The following C3orf70 variants were observed in gnomAD, a reference collection of about 807,000 sequenced individuals.
C3orf70 encodes the protein UPF0524 protein C3orf70.
In C3orf70, 15 loss-of-function variants were observed where a neutral mutation model predicts 20.7. The observed-to-expected ratio is 0.72, with a 90% CI of 0.48 to 1.11. C3orf70 has a LOEUF of 1.11. Among genes scored for constraint, C3orf70 ranks in the 50% most tolerant of loss-of-function variants. The probability of loss-of-function intolerance (pLI) is 0.00; values close to 1 mark genes in which losing one functional copy is unlikely to be tolerated. For missense variants in C3orf70, 332 were observed against 317.6 expected (o/e 1.05, Z -0.34); for synonymous variants, 161 against 125.7 (o/e 1.28, Z -1.88).
chr3:185,124,621 G>A (rs938886763), intron 1 of C3orf70, among the ~76,000 whole-genome samples: 2 of 152,034 alleles, frequency 1.3e-5, no homozygotes, highest in African/African-American at 2.4e-5. Context: ...TTGTGACCTT[G>A]GATGAGGCAA....
At chr3:185,097,126 A>G (rs1366389386) in intron 1 of C3orf70, among the ~76,000 whole-genome samples, 1 of 152,138 alleles carries the variant, frequency 6.6e-6, no homozygotes, top group Non-Finnish European at 1.5e-5. Flanking sequence ...TTGGTCTTAA[A>G]TTGATTCAAT....
chr3:185,117,544 C>T (rs569285174), intron 1 of C3orf70, among the ~76,000 whole-genome samples: 1 of 151,800 alleles, frequency 6.6e-6, no homozygotes, highest in Non-Finnish European at 1.5e-5. Context: ...AAACACAGAA[C>T]CTATCATGTA....
chr3:185,141,612 TG>T (rs1374042664), intron 1 of C3orf70, among the ~76,000 whole-genome samples: 9 of 152,320 alleles, frequency 5.9e-5, no homozygotes, highest in Admixed American at 5.9e-4. Flanking sequence ...ACAAACTGGA[TG>T]GATCTCCAGA....
intron 1 of C3orf70, among the ~76,000 whole-genome samples, chr3:185,111,062 A>G (rs1716061223): frequency 6.6e-6 from 1 of 152,218 alleles, no homozygotes; most frequent in Admixed American, 6.5e-5. Flanking sequence ...CATGCAAAAG[A>G]AAGAAAATTA....
intron 1 of C3orf70, among the ~76,000 whole-genome samples, chr3:185,106,570 G>A (rs573293491): frequency 1.3e-5 from 2 of 152,250 alleles, no homozygotes; most frequent in Non-Finnish European, 2.9e-5. Context: ...CTCTAAGTTT[G>A]ATAAAGATGG....
chr3:185,128,302 T>C (rs966780762), intron 1 of C3orf70, among the ~76,000 whole-genome samples: 1 of 151,858 alleles, frequency 6.6e-6, no homozygotes, highest in Non-Finnish European at 1.5e-5. Context: ...GCGAGGCGGG[T>C]GGATCACCTG....
At chr3:185,125,384 AAACAACAACAACAACAACAAC>A (rs141336074) in intron 1 of C3orf70, among the ~76,000 whole-genome samples, 176 of 149,916 alleles carry the variant, frequency 1.2e-3, no homozygotes, top group South Asian at 0.01. Flanking sequence ...CCATCTCCAA[AAACAACAACAACAACAACAAC>A]AACAACAACA....
intron 1 of C3orf70, among the ~76,000 whole-genome samples, chr3:185,115,776 G>C (rs1716162070): frequency 6.6e-6 from 1 of 152,194 alleles, no homozygotes; most frequent in Non-Finnish European, 1.5e-5. Context: ...TTGGATGCTA[G>C]TGAGGGCCAT....
chr3:185,095,123 A>G (rs1715675323), intron 1 of C3orf70, among the ~76,000 whole-genome samples: 1 of 152,174 alleles, frequency 6.6e-6, no homozygotes, highest in Admixed American at 6.5e-5. Flanking sequence ...CATTTTCATT[A>G]CCATTATTAT....
At chr3:185,115,145 G>A (rs951579137) in intron 1 of C3orf70, among the ~76,000 whole-genome samples, 4 of 152,114 alleles carry the variant, frequency 2.6e-5, no homozygotes, top group Non-Finnish European at 5.9e-5. Context: ...ATGGTACTCT[G>A]GCATATATTT....
chr3:185,142,502 T>C (rs1354428609), intron 1 of C3orf70, among the ~76,000 whole-genome samples: 2 of 152,186 alleles, frequency 1.3e-5, no homozygotes, highest in African/African-American at 2.4e-5. Flanking sequence ...CTCTTCATTA[T>C]AAAAGATGTC....
intron 1 of C3orf70, among the ~76,000 whole-genome samples, chr3:185,145,340 T>C (rs927012195): frequency 5.3e-5 from 8 of 152,242 alleles, no homozygotes; most frequent in Admixed American, 1.3e-4. Flanking sequence ...GTGTATACAA[T>C]TCTAAAAACG....
intron 1 of C3orf70, among the ~76,000 whole-genome samples, chr3:185,123,178 CAAAAAA>C (rs34803531): frequency 1.3e-4 from 12 of 91,332 alleles, no homozygotes; most frequent in African/African-American, 4.2e-4. Context: ...GACTCCATCT[CAAAAAA>C]AAAAAAAAAA....
intron 1 of C3orf70, among the ~76,000 whole-genome samples, chr3:185,148,341 C>T (rs1441605235): frequency 2.6e-5 from 4 of 152,198 alleles, no homozygotes; most frequent in Non-Finnish European, 5.9e-5. Flanking sequence ...CCTCCCAATC[C>T]TAGTTACTCA....
chr3:185,106,980 A>C (rs1026166305), intron 1 of C3orf70, among the ~76,000 whole-genome samples: 1 of 152,214 alleles, frequency 6.6e-6, no homozygotes, highest in African/African-American at 2.4e-5. Flanking sequence ...GTATGTGGAC[A>C]TGGGGAAAAG....
intron 1 of C3orf70, among the ~76,000 whole-genome samples, chr3:185,091,224 AT>A (rs34018520): frequency 0.024 from 3,647 of 152,112 alleles, 114 homozygotes; most frequent in African/African-American, 0.083. Flanking sequence ...TCATTGAAGG[AT>A]TTTTATATGG....
intron 1 of C3orf70, among the ~76,000 whole-genome samples, chr3:185,102,448 T>C (rs1715841707): frequency 6.6e-6 from 1 of 152,236 alleles, no homozygotes; most frequent in Non-Finnish European, 1.5e-5. Flanking sequence ...TGCTTGTTAT[T>C]AGAAAGAATC....
chr3:185,136,233 A>C (rs35798167), intron 1 of C3orf70, among the ~76,000 whole-genome samples: 10,633 of 152,228 alleles, frequency 0.07, 432 homozygotes, highest in South Asian at 0.1. Flanking sequence ...AGATAATGAA[A>C]AAAAGGGTCA....
intron 1 of C3orf70, among the ~76,000 whole-genome samples, chr3:185,099,856 G>T (rs762706160): frequency 2.6e-5 from 4 of 152,114 alleles, no homozygotes; most frequent in Non-Finnish European, 5.9e-5. Flanking sequence ...CAAAATAAAG[G>T]CATGGAGAAA....
Sources: allele counts gnomAD v4.1 joint callset (sites outside exome capture counted in the v4.1 genomes callset), GRCh38; gene constraint gnomAD v4.1.1; transcripts MANE v1.5; gene names NCBI Gene and HGNC (gene_info 2026-07-23, HGNC 2026-07-21).